The following SH3KBP1 variants were observed in gnomAD, a reference collection of about 807,000 sequenced individuals.
SH3KBP1 encodes SH3 domain containing kinase binding protein 1.
In SH3KBP1, 8 loss-of-function variants were observed where a neutral mutation model predicts 50.1. The observed-to-expected ratio is 0.16, with a 90% CI of 0.09 to 0.29. The LOEUF (loss-of-function observed/expected upper bound fraction) is 0.29. Among genes scored for constraint, SH3KBP1 ranks in the 10% least tolerant of loss-of-function variants. The pLI is 1.00. For synonymous variants in SH3KBP1, 227 were observed against 218.6 expected (o/e 1.04, Z -0.34); for missense variants, 377 against 535.2 (o/e 0.70, Z 2.92).
chrX:19,588,907 A>C, intron 11 of SH3KBP1, 105 bp from the exon 12 acceptor site: 1 of 719,278 alleles, frequency 1.4e-6, no homozygotes, highest in Non-Finnish European at 2.0e-6. Context: ...TACTGATGCT[A>C]TTTCTGAAGG....
rs368604551 is a variant in SH3KBP1 at position 19,695,741 on chromosome X, C to T, written c.391G>A (p.Val131Ile). Residue 131 changes from valine to isoleucine, a missense_variant and splice_region_variant, in exon 5 of 18, where the codon GTA becomes ATA. Around this residue, in one of 3 missense-constraint regions of SH3KBP1, gnomAD observed 257 missense variants for 374.2 expected, o/e 0.69. Transcript: ENST00000397821. Reference protein sequence around the residue: ...VGDIIEVVGEVEEGWWEGVLN... With the variant: ...VGDIIEVVGEIEEGWWEGVLN... ...ACACCTTCCCACCATCCTTCCTCTACCTGCAGAGATACAAACAAAAGAGCA... is the reference window on the plus strand; with the variant it reads ...ACACCTTCCCACCATCCTTCCTCTATCTGCAGAGATACAAACAAAAGAGCA... 8.3e-7 allele frequency: 1 copy of T among 1,207,198 alleles called. No homozygotes were observed. Among genetic ancestry groups the T allele is most frequent in the African/African-American group, 1.8e-5 (1 of 56,677 alleles).
At chrX:19,586,017 A>G (rs573949074) in intron 12 of SH3KBP1, among the ~76,000 whole-genome samples, 1 of 112,120 alleles carries the variant, frequency 8.9e-6, no homozygotes, top group South Asian at 3.8e-4. Context: ...GATGGCACGC[A>G]CTGTTAAGAA....
intron 1 of SH3KBP1, among the ~76,000 whole-genome samples, chrX:19,866,769 T>TA (rs1295352552): frequency 9.0e-6 from 1 of 110,937 alleles, no homozygotes; most frequent in East Asian, 2.8e-4. Flanking sequence ...TTCTCATACA[T>TA]ACAGCAGAAG....
chrX:19,672,499 A>C (rs1031821862), intron 6 of SH3KBP1, among the ~76,000 whole-genome samples: 3 of 112,191 alleles, frequency 2.7e-5, no homozygotes, highest in African/African-American at 9.7e-5. Context: ...ATGTAATGAG[A>C]GCACTTCACC....
At chrX:19,665,188 G>T (rs1308578551) in intron 6 of SH3KBP1, among the ~76,000 whole-genome samples, 1 of 112,149 alleles carries the variant, frequency 8.9e-6, no homozygotes, top group Non-Finnish European at 1.9e-5. Context: ...TAAAGTCACT[G>T]GTGGGTGAAA....
chrX:19,819,602 C>T (rs954260241), intron 2 of SH3KBP1, among the ~76,000 whole-genome samples: 10 of 111,358 alleles, frequency 9.0e-5, no homozygotes, highest in Non-Finnish European at 1.3e-4. Context: ...CTCCCACTCC[C>T]GCTTCCCAAA....
intron 9 of SH3KBP1, among the ~76,000 whole-genome samples, chrX:19,602,112 C>T (rs1193113929): frequency 9.0e-6 from 1 of 110,818 alleles, no homozygotes; most frequent in African/African-American, 3.3e-5. Flanking sequence ...ATTCCATGCC[C>T]AGACCCCATG....
Position 19,854,217 on chromosome X carries a change from G to A in SH3KBP1, c.5-17935C>T, listed in dbSNP as rs778405488. Among the ~76,000 whole-genome samples, 8 of 110,413 alleles carry A rather than the reference G, an allele frequency of 7.2e-5. No individual in the cohort carries two copies. The East Asian group carries it at 2.3e-3, about 32-fold the overall frequency. ...TGCAACCTCTGCCTCCTGGGTTCAA[G>A]CAATTCTCCTGCCTCAGCCTCCTGA... is the stretch of plus-strand genomic sequence containing the variant. On this transcript the variant is annotated intron_variant, in intron 1 of 17. Coordinates refer to ENST00000397821, the MANE Select transcript of SH3KBP1 (RefSeq NM_031892.3).
At chrX:19,885,663 C>T (rs2069566752) in intron 1 of SH3KBP1, among the ~76,000 whole-genome samples, 1 of 110,207 alleles carries the variant, frequency 9.1e-6, no homozygotes, top group Non-Finnish European at 1.9e-5. Context: ...TCTTTTTGTG[C>T]ATAACCCTCT....
At chrX:19,806,214 A>G (rs2039515225) in intron 2 of SH3KBP1, among the ~76,000 whole-genome samples, 1 of 112,073 alleles carries the variant, frequency 8.9e-6, no homozygotes. Flanking sequence ...TGAAAAATGC[A>G]GTCTACAAAA....
intron 12 of SH3KBP1, among the ~76,000 whole-genome samples, chrX:19,570,885 A>G (rs979035453): frequency 1.8e-5 from 2 of 111,879 alleles, no homozygotes; most frequent in Non-Finnish European, 3.8e-5. Context: ...GAGCCCAGGG[A>G]AGTTGAGGCT....
At chrX:19,686,414 T>C (rs1419201753) in intron 5 of SH3KBP1, among the ~76,000 whole-genome samples, 5 of 110,681 alleles carry the variant, frequency 4.5e-5, no homozygotes. Flanking sequence ...CAACCCAGAG[T>C]GTGGACTGTG....
intron 6 of SH3KBP1, among the ~76,000 whole-genome samples, chrX:19,668,806 C>T (rs1373196543): frequency 2.8e-4 from 25 of 89,610 alleles, no homozygotes; most frequent in Non-Finnish European, 4.5e-4. Context: ...GCCAAGATTA[C>T]GTCACTGCAC....
At chrX:19,690,928 C>T (rs1398560777) in intron 5 of SH3KBP1, among the ~76,000 whole-genome samples, 1 of 111,804 alleles carries the variant, frequency 8.9e-6, no homozygotes, top group Non-Finnish European at 1.9e-5. Flanking sequence ...CACTCAGAAG[C>T]CTGGGAGTTA....
At chrX:19,840,362 T>G (rs902122921) in intron 1 of SH3KBP1, among the ~76,000 whole-genome samples, 3 of 112,873 alleles carry the variant, frequency 2.7e-5, no homozygotes, top group Non-Finnish European at 5.6e-5. Flanking sequence ...TAATGTGAAA[T>G]AGCTCATTAT....
At chrX:19,705,607 T>C (rs193182133) in intron 4 of SH3KBP1, among the ~76,000 whole-genome samples, 1 of 111,554 alleles carries the variant, frequency 9.0e-6, no homozygotes, top group African/African-American at 3.3e-5. Context: ...GGTTCCTGCA[T>C]GCCCTCCCAG....
intron 6 of SH3KBP1, among the ~76,000 whole-genome samples, chrX:19,668,976 T>TATATATATA (rs1569405166): frequency 4.9e-5 from 3 of 60,633 alleles, no homozygotes; most frequent in Non-Finnish European, 9.9e-5. Flanking sequence ...ATATATATAT[T>TATATATATA]TTTTGAGACA....
chrX:19,702,834 C>T (rs1046725756), intron 4 of SH3KBP1, among the ~76,000 whole-genome samples: 5 of 112,037 alleles, frequency 4.5e-5, no homozygotes, highest in African/African-American at 1.3e-4. Flanking sequence ...TTGTCTTCTC[C>T]ACTCAGGATA....
intron 4 of SH3KBP1, among the ~76,000 whole-genome samples, chrX:19,699,002 G>A (rs2063485801): frequency 8.9e-6 from 1 of 111,991 alleles, no homozygotes; most frequent in African/African-American, 3.2e-5. Context: ...TTCCTGTGAG[G>A]AGCAAAAGGA....
Sources: allele counts gnomAD v4.1 joint callset (sites outside exome capture counted in the v4.1 genomes callset), GRCh38; gene constraint gnomAD v4.1.1; regional missense constraint gnomAD v4.1.1; transcripts MANE v1.5; gene names NCBI Gene and HGNC (gene_info 2026-07-23, HGNC 2026-07-21).